GMDS: variants seen among roughly 807,000 people sequenced by gnomAD.
GMDS encodes GDP-mannose 4,6-dehydratase.
Under a neutral mutation model 49.9 loss-of-function variants are expected in GMDS, and 20 were observed. The observed-to-expected ratio is 0.40, with a 90% CI of 0.28 to 0.58. GMDS has a LOEUF of 0.58. Ranked by LOEUF, GMDS falls within the 20% of genes least tolerant of loss-of-function variation. The pLI, the probability that GMDS is intolerant of heterozygous loss-of-function variation, is 0.42. For missense variants in GMDS, 362 were observed against 481.4 expected (o/e 0.75, Z 2.32); for synonymous variants, 177 against 178.6 (o/e 0.99, Z 0.07).
intron 9 of GMDS, among the ~76,000 whole-genome samples, chr6:1,674,787 C>A (rs1764562091): frequency 6.6e-6 from 1 of 151,052 alleles, no homozygotes; most frequent in African/African-American, 2.4e-5. Context: ...TGGGCTCAAG[C>A]AATCTGCCTG....
intron 4 of GMDS, among the ~76,000 whole-genome samples, chr6:1,997,573 A>G (rs980754258): frequency 6.6e-6 from 1 of 151,232 alleles, no homozygotes; most frequent in Non-Finnish European, 1.5e-5. Context: ...TGCTTTGGAC[A>G]GAAATCATCA....
At chr6:1,633,538 T>G (rs1763058464) in intron 9 of GMDS, among the ~76,000 whole-genome samples, 1 of 152,028 alleles carries the variant, frequency 6.6e-6, no homozygotes, top group Non-Finnish European at 1.5e-5. Flanking sequence ...GGCTGGCTTG[T>G]TGGAGGGCGG....
In GMDS at chr6:1,788,426, T is replaced by C. The variant is rs116283489; in HGVS notation, c.772-45840A>G. ...GCATTTTGTTGGTTCCTAAGAGGTA[T>C]GCATCAATTCATTCACAGGCTTTAC... On this transcript the variant is annotated intron_variant, in intron 7 of 10. Coordinates refer to ENST00000380815, the MANE Select transcript of GMDS (RefSeq NM_001500.4). Among the ~76,000 whole-genome samples the C allele has an allele frequency of 7.3e-3, 1,106 of 152,352 alleles. 12 individuals are homozygous for C. Among genetic ancestry groups the C allele is most frequent in the African/African-American group, 0.026 (1,061 of 41,572 alleles).
intron 1 of GMDS, among the ~76,000 whole-genome samples, chr6:2,185,582 C>G (rs550538950): frequency 6.6e-6 from 1 of 152,346 alleles, no homozygotes; most frequent in Admixed American, 6.5e-5. Context: ...CACAGCTAAA[C>G]TGCCCAGATG....
At chr6:1,848,030 C>T (rs533832503) in intron 7 of GMDS, among the ~76,000 whole-genome samples, 7 of 152,242 alleles carry the variant, frequency 4.6e-5, no homozygotes, top group African/African-American at 1.7e-4. Context: ...GAAGTGACAT[C>T]GAAATGAGAC....
chr6:1,936,652 T>C (rs1349225168), intron 6 of GMDS, among the ~76,000 whole-genome samples: 3 of 152,140 alleles, frequency 2.0e-5, no homozygotes, highest in African/African-American at 7.2e-5. Flanking sequence ...ATGGACCGCT[T>C]ATATGACAAT....
chr6:1,700,863 C>T (rs9405146), intron 9 of GMDS, among the ~76,000 whole-genome samples: 14,098 of 151,990 alleles, frequency 0.093, 1,158 homozygotes, highest in African/African-American at 0.23. Context: ...TCTGGAAATC[C>T]GAGACCCTAA....
chr6:2,095,576 T>C (rs1423699328), intron 4 of GMDS, among the ~76,000 whole-genome samples: 1 of 152,214 alleles, frequency 6.6e-6, no homozygotes, highest in Non-Finnish European at 1.5e-5. Context: ...TGTGCTTTCC[T>C]AATGGTACAT....
chr6:1,827,078 A>ATGTGTGTGTGTG (rs111813765), intron 7 of GMDS, among the ~76,000 whole-genome samples: 8 of 125,278 alleles, frequency 6.4e-5, no homozygotes, highest in South Asian at 2.7e-4. Context: ...AAAAATATAT[A>ATGTGTGTGTGTG]TGTGTGTGTG....
intron 7 of GMDS, among the ~76,000 whole-genome samples, chr6:1,797,695 C>G (rs1769793270): frequency 6.6e-6 from 1 of 152,126 alleles, no homozygotes; most frequent in African/African-American, 2.4e-5. Context: ...ATAGACTTGG[C>G]CAGCATTTCA....
chr6:1,768,343 G>C (rs1019058751), intron 7 of GMDS, among the ~76,000 whole-genome samples: 1 of 152,158 alleles, frequency 6.6e-6, no homozygotes, highest in Non-Finnish European at 1.5e-5. Flanking sequence ...TGTTCAAAAA[G>C]TGCAAGGATG....
chr6:1,745,508 G>A (rs911303202), intron 7 of GMDS, among the ~76,000 whole-genome samples: 7 of 152,054 alleles, frequency 4.6e-5, no homozygotes, highest in Admixed American at 4.6e-4. Context: ...GGCTACTGGT[G>A]GGTCACTTTA....
At chr6:1,868,559 T>C (rs924265112) in intron 7 of GMDS, among the ~76,000 whole-genome samples, 2 of 152,166 alleles carry the variant, frequency 1.3e-5, no homozygotes, top group African/African-American at 2.4e-5. Context: ...GAGGTAGGCG[T>C]GTCTATATTT....
chr6:2,165,147 C>A (rs551826499), intron 1 of GMDS, among the ~76,000 whole-genome samples: 2 of 152,182 alleles, frequency 1.3e-5, no homozygotes, highest in Non-Finnish European at 1.5e-5. Context: ...AAAACCCATC[C>A]TGGAAACTCT....
At position 1,856,241 on chromosome 6, in the gene GMDS, GTGAATAAAGTTGC is replaced by G. The variant is rs1330214296; in HGVS notation, c.771+73849_771+73861del. Among the ~76,000 whole-genome samples, 4 of 152,250 alleles carry G rather than the reference GTGAATAAAGTTGC, an allele frequency of 2.6e-5. No homozygotes were observed. The East Asian group carries it at 7.7e-4, about 29-fold the overall frequency. On this transcript the variant is annotated intron_variant, in intron 7 of 10. Coordinates refer to ENST00000380815, the MANE Select transcript of GMDS (RefSeq NM_001500.4). ...TAACTTTTTTCATCTTCTGATTTTG[GTGAATAAAGTTGC>G]TGAAAATGAAAACTCTCTTTATAAT...
chr6:1,730,293 A>C (rs1452838724), intron 8 of GMDS, among the ~76,000 whole-genome samples: 2 of 152,186 alleles, frequency 1.3e-5, no homozygotes, highest in Admixed American at 1.3e-4. Context: ...ATGAGCTAAG[A>C]GGGCAGGAAA....
At chr6:1,847,701 T>TA (rs145053702) in intron 7 of GMDS, among the ~76,000 whole-genome samples, 4,049 of 152,298 alleles carry the variant, frequency 0.027, 71 homozygotes, top group East Asian at 0.057. Flanking sequence ...CACATGCCCC[T>TA]ATTAGGAAGG....
chr6:1,881,626 A>T (rs1581299720), intron 7 of GMDS, among the ~76,000 whole-genome samples: 1 of 152,210 alleles, frequency 6.6e-6, no homozygotes, highest in East Asian at 1.9e-4. Context: ...ATACGAGGCA[A>T]ATCAATCCAC....
intron 4 of GMDS, among the ~76,000 whole-genome samples, chr6:1,973,428 C>T (rs564971513): frequency 1.3e-5 from 2 of 152,152 alleles, no homozygotes; most frequent in Non-Finnish European, 2.9e-5. Context: ...AATAAAGGGA[C>T]TGATTATATG....
Sources: gnomAD v4.1 joint callset for allele counts (sites outside exome capture counted in the v4.1 genomes callset) on GRCh38, gnomAD v4.1.1 for gene constraint, MANE v1.5 for transcripts, NCBI Gene and HGNC (gene_info 2026-07-23, HGNC 2026-07-21) for gene names.